Variants in TBC1D32 observed in about 807,000 individuals in gnomAD.
TBC1D32 encodes the protein TBC1 domain family member 32, also known as protein broad-minded.
TBC1D32 carries 151 observed loss-of-function variants against 170.3 expected under a neutral mutation model. The observed-to-expected ratio is 0.89, with a 90% CI of 0.78 to 1.01. TBC1D32 has a LOEUF of 1.01. Among genes scored for constraint, TBC1D32 ranks in the 50% least tolerant of loss-of-function variants. The pLI is 0.00. For synonymous variants in TBC1D32, 498 were observed against 488.0 expected (o/e 1.02, Z -0.27); for missense variants, 1,464 against 1,457.1 (o/e 1.00, Z -0.08).
At chr6:121,177,156 T>A (rs1787874899) in intron 22 of TBC1D32, among the ~76,000 whole-genome samples, 2 of 152,152 alleles carry the variant, frequency 1.3e-5, no homozygotes, top group South Asian at 4.1e-4. Flanking sequence ...CCTGCCCATA[T>A]CTCATGTCAA....
At chr6:121,289,864 T>A (rs889170102) in intron 12 of TBC1D32, among the ~76,000 whole-genome samples, 5 of 152,150 alleles carry the variant, frequency 3.3e-5, no homozygotes, top group Non-Finnish European at 7.3e-5. Flanking sequence ...AACCATCTGA[T>A]CTTTGCCAAA....
intron 31 of TBC1D32, among the ~76,000 whole-genome samples, chr6:121,081,525 C>A (rs985118412): frequency 6.6e-6 from 1 of 151,966 alleles, no homozygotes; most frequent in Admixed American, 6.6e-5. Flanking sequence ...GAAGAAAAGT[C>A]ATCTTTGATT....
At chr6:121,296,020 C>T (rs1401935725) in intron 10 of TBC1D32, among the ~76,000 whole-genome samples, 1 of 152,008 alleles carries the variant, frequency 6.6e-6, no homozygotes, top group African/African-American at 2.4e-5. Flanking sequence ...CTGGTATGTA[C>T]CAGGCAGAGG....
intron 22 of TBC1D32, among the ~76,000 whole-genome samples, chr6:121,197,393 G>C (rs1324509368): frequency 6.6e-6 from 1 of 152,192 alleles, no homozygotes; most frequent in Non-Finnish European, 1.5e-5. Context: ...ATGGGTAGTA[G>C]GAGAAGGTAG....
At chr6:121,098,540 T>A (rs58192637) in intron 30 of TBC1D32, among the ~76,000 whole-genome samples, 4,578 of 152,132 alleles carry the variant, frequency 0.03, 234 homozygotes, top group African/African-American at 0.1. Context: ...CCACTCTTTA[T>A]ACTATGAAGC....
At chr6:121,254,502 C>CA (rs1798716621) in intron 17 of TBC1D32, among the ~76,000 whole-genome samples, 1 of 151,768 alleles carries the variant, frequency 6.6e-6, no homozygotes, top group African/African-American at 2.4e-5. Flanking sequence ...CCCTTTAATG[C>CA]AAAAAACAAA....
chr6:121,285,221 T>C (rs1295057853), intron 12 of TBC1D32, among the ~76,000 whole-genome samples: 2 of 152,112 alleles, frequency 1.3e-5, no homozygotes, highest in Non-Finnish European at 2.9e-5. Context: ...GGATTCAACA[T>C]GTAACTGTAT....
At chr6:121,121,307 T>G (rs905815639) in intron 26 of TBC1D32, among the ~76,000 whole-genome samples, 8 of 151,824 alleles carry the variant, frequency 5.3e-5, no homozygotes, top group Non-Finnish European at 1.5e-5. Flanking sequence ...GAGCAAAAAT[T>G]TAGTGAGGCA....
At chr6:121,256,341 AGCTCTACC>A in intron 15 of TBC1D32, 56 bp from the exon 16 acceptor site, 1 of 1,453,744 alleles carries the variant, frequency 6.9e-7, no homozygotes, top group African/African-American at 1.4e-5. Flanking sequence ...GACTTCATAA[AGCTCTACC>A]AAAAAGGCTA....
At chr6:121,108,446 T>C (rs2128193517) in intron 29 of TBC1D32, among the ~76,000 whole-genome samples, 1 of 152,156 alleles carries the variant, frequency 6.6e-6, no homozygotes. Context: ...AATATTGGAT[T>C]AATGGAACAC....
chr6:121,291,399 A>G (rs1055554828), intron 12 of TBC1D32, among the ~76,000 whole-genome samples: 1 of 152,118 alleles, frequency 6.6e-6, no homozygotes, highest in Non-Finnish European at 1.5e-5. Context: ...TGGTCAAAAC[A>G]GCCCAAAATA....
chr6:121,149,615 T>C (rs181317868), intron 24 of TBC1D32, among the ~76,000 whole-genome samples: 2 of 152,282 alleles, frequency 1.3e-5, no homozygotes, highest in South Asian at 2.1e-4. Flanking sequence ...CATTGGTCTA[T>C]ATATTTGTTT....
intron 24 of TBC1D32, among the ~76,000 whole-genome samples, chr6:121,137,453 G>C (rs1782233798): frequency 7.2e-6 from 1 of 137,952 alleles, no homozygotes; most frequent in Non-Finnish European, 1.5e-5. Context: ...ATGATTTATA[G>C]ACAACTATGA....
In TBC1D32 at chr6:121,299,367, C is replaced by T; in HGVS notation, c.1140+79G>A. On this transcript the variant is annotated intron_variant, in intron 10 of 31. Transcript: ENST00000398212. ...TCCAATATTAATTATCACCACACAA[C>T]TTTGCATAGTCAAGTTATTACATCA... 2.2e-6 allele frequency: 3 copies of T among 1,392,858 alleles called. No homozygotes were observed. In the South Asian group the frequency reaches 4.0e-5, roughly 18 times the overall value. The allele number at this position is 1,392,858 out of a possible 1,614,324, so 86.3% of individuals were successfully genotyped here.
At chr6:121,239,467 G>A (rs1006681356) in intron 19 of TBC1D32, among the ~76,000 whole-genome samples, 3 of 151,910 alleles carry the variant, frequency 2.0e-5, no homozygotes, top group African/African-American at 7.3e-5. Context: ...TCTTCACTTT[G>A]GCCTATAACT....
At chr6:121,227,209 T>C (rs936702174) in intron 20 of TBC1D32, among the ~76,000 whole-genome samples, 4 of 152,176 alleles carry the variant, frequency 2.6e-5, no homozygotes, top group African/African-American at 9.6e-5. Context: ...TGTAAACCAC[T>C]AGAAGACACT....
In TBC1D32 at chr6:121,317,482, C is replaced by A; in HGVS notation, c.495+13G>T. The A allele has an allele frequency of 6.5e-7, 1 of 1,539,634 alleles. No homozygotes were observed. Among genetic ancestry groups the A allele is most frequent in the South Asian group, 1.3e-5 (1 of 76,346 alleles). ...AGCATTTCAAGACATAAATGCAAAA[C>A]TGAACAACACACCTGATTCAATGAT... On this transcript the variant is annotated intron_variant, in intron 3 of 31. Coordinates refer to ENST00000398212, the MANE Select transcript of TBC1D32 (RefSeq NM_152730.6).
chr6:121,100,977 G>A (rs1777985966), intron 30 of TBC1D32, among the ~76,000 whole-genome samples: 2 of 152,026 alleles, frequency 1.3e-5, no homozygotes, highest in Non-Finnish European at 2.9e-5. Flanking sequence ...AAATAAACTA[G>A]AAAATCTAGA....
intron 24 of TBC1D32, among the ~76,000 whole-genome samples, chr6:121,132,760 A>G (rs1338847692): frequency 3.9e-5 from 6 of 151,958 alleles, no homozygotes; most frequent in Non-Finnish European, 8.8e-5. Flanking sequence ...ATTAATACAT[A>G]GCAGATTCCA....
Sources: gnomAD v4.1 joint callset for allele counts (sites outside exome capture counted in the v4.1 genomes callset) on GRCh38, gnomAD v4.1.1 for gene constraint, MANE v1.5 for transcripts, NCBI Gene and HGNC (gene_info 2026-07-23, HGNC 2026-07-21) for gene names.